The following GRIK2 variants were observed in gnomAD, a reference collection of about 807,000 sequenced individuals.
The protein encoded by GRIK2 is glutamate receptor ionotropic, kainate 2.
GRIK2 carries 32 observed loss-of-function variants against 100.3 expected under a neutral mutation model. The ratio of observed to expected loss-of-function variants is 0.32; its 90% confidence interval spans 0.24 to 0.43. The LOEUF is 0.43. GRIK2 is among the 20% of genes least tolerant of loss of function. The probability of loss-of-function intolerance (pLI) is 1.00; values close to 1 mark genes in which losing one functional copy is unlikely to be tolerated. For missense variants in GRIK2, 843 were observed against 1,114.9 expected (o/e 0.76, Z 3.47); for synonymous variants, 417 against 389.4 (o/e 1.07, Z -0.83).
At chr6:101,611,895 C>T (rs1026278007) in intron 2 of GRIK2, among the ~76,000 whole-genome samples, 11 of 151,782 alleles carry the variant, frequency 7.2e-5, no homozygotes, top group East Asian at 1.9e-4. Context: ...ACCAACTTCA[C>T]ACAAAATTAA....
chr6:101,788,504 C>T (rs1445947964), intron 7 of GRIK2, among the ~76,000 whole-genome samples: 2 of 152,070 alleles, frequency 1.3e-5, no homozygotes, highest in Non-Finnish European at 2.9e-5. Flanking sequence ...GTGATGATTT[C>T]CAATTTCATC....
intron 2 of GRIK2, among the ~76,000 whole-genome samples, chr6:101,552,620 G>T (rs1314407793): frequency 6.6e-6 from 1 of 152,168 alleles, no homozygotes; most frequent in Non-Finnish European, 1.5e-5. Context: ...ATATCAGTGT[G>T]TGCATTTAGC....
At chr6:101,548,112 T>A (rs1180797691) in intron 2 of GRIK2, among the ~76,000 whole-genome samples, 1 of 152,144 alleles carries the variant, frequency 6.6e-6, no homozygotes, top group Non-Finnish European at 1.5e-5. Context: ...GCTGCATAAA[T>A]GTCTTCTTTT....
At chr6:101,694,833 A>G (rs1350771959) in intron 7 of GRIK2, among the ~76,000 whole-genome samples, 2 of 151,840 alleles carry the variant, frequency 1.3e-5, no homozygotes, top group African/African-American at 2.4e-5. Context: ...AGTTTTATGA[A>G]TAATCTTTGG....
chr6:101,894,744 A>C (rs929557419), intron 12 of GRIK2, among the ~76,000 whole-genome samples: 11 of 151,766 alleles, frequency 7.2e-5, no homozygotes, highest in African/African-American at 2.7e-4. Flanking sequence ...GAAAATGTTT[A>C]TAAAATGACT....
chr6:101,939,571 G>C (rs1270931632), intron 14 of GRIK2, among the ~76,000 whole-genome samples: 1 of 151,984 alleles, frequency 6.6e-6, no homozygotes, highest in African/African-American at 2.4e-5. Flanking sequence ...AAATATTCTG[G>C]ATTACTCTCT....
intron 12 of GRIK2, among the ~76,000 whole-genome samples, chr6:101,907,400 A>T (rs1257741158): frequency 6.6e-6 from 1 of 151,596 alleles, no homozygotes; most frequent in Non-Finnish European, 1.5e-5. Context: ...AGAAAAAAAA[A>T]AGCTGAGCAT....
At chr6:101,555,416 A>G (rs571261891) in intron 2 of GRIK2, among the ~76,000 whole-genome samples, 58 of 152,296 alleles carry the variant, frequency 3.8e-4, no homozygotes, top group Admixed American at 1.2e-3. Flanking sequence ...CATCTGGCTC[A>G]GTAGTTCTTG....
chr6:101,462,192 A>G (rs888576700), intron 2 of GRIK2, among the ~76,000 whole-genome samples: 5 of 152,218 alleles, frequency 3.3e-5, no homozygotes. Flanking sequence ...ATATATGATT[A>G]TGGTAGAACT....
chr6:101,671,097 T>C (rs1223745924), intron 4 of GRIK2, among the ~76,000 whole-genome samples: 2 of 152,188 alleles, frequency 1.3e-5, no homozygotes, highest in Non-Finnish European at 2.9e-5. Context: ...TGTTATTTGA[T>C]TATTCTGCAT....
chr6:101,408,864 T>C (rs1036011054), intron 2 of GRIK2, among the ~76,000 whole-genome samples: 2 of 152,074 alleles, frequency 1.3e-5, no homozygotes, highest in African/African-American at 4.8e-5. Flanking sequence ...CATATAAAAT[T>C]AAACATCACC....
chr6:101,542,933 G>A (rs1776073434), intron 2 of GRIK2, among the ~76,000 whole-genome samples: 1 of 152,070 alleles, frequency 6.6e-6, no homozygotes, highest in South Asian at 2.1e-4. Flanking sequence ...GGGTAAGAAA[G>A]TACCCTAGAT....
At chr6:101,602,889 AT>A (rs773876529) in intron 2 of GRIK2, among the ~76,000 whole-genome samples, 7 of 151,826 alleles carry the variant, frequency 4.6e-5, no homozygotes, top group Non-Finnish European at 8.9e-5. Context: ...GATTTGCATC[AT>A]ATTAGTCATA....
chr6:101,725,284 G>A (rs2128367702), intron 7 of GRIK2, among the ~76,000 whole-genome samples: 1 of 152,106 alleles, frequency 6.6e-6, no homozygotes. Flanking sequence ...TTTAGTAATT[G>A]ATTGCGATAT....
Position 101,489,504 on chromosome 6 carries a change from A to G in GRIK2, c.115+90112A>G, listed in dbSNP as rs1213517782. 2.0e-5 allele frequency among the ~76,000 whole-genome samples: 3 copies of G among 146,358 alleles called. 1 individual carries two copies. Among genetic ancestry groups the G allele is most frequent in the Admixed American group, 2.0e-4 (3 of 14,680 alleles). ...TATGCTAGTATTTTGAAACACTTCC[A>G]TAGAAGCTGGATCCATGAAAGTATC... On this transcript the variant is annotated intron_variant, in intron 2 of 16. Coordinates refer to ENST00000369134, the MANE Select transcript of GRIK2 (RefSeq NM_021956.5).
At chr6:101,948,114 C>G (rs1582595246) in intron 14 of GRIK2, among the ~76,000 whole-genome samples, 1 of 151,860 alleles carries the variant, frequency 6.6e-6, no homozygotes. Flanking sequence ...TTCCTATTAC[C>G]TTTAAATTGA....
chr6:101,884,988 G>T (rs1361449), intron 11 of GRIK2, among the ~76,000 whole-genome samples: 4 of 151,914 alleles, frequency 2.6e-5, no homozygotes, highest in South Asian at 2.1e-4. Flanking sequence ...TAGATTTCCA[G>T]GGAGGGAAAC....
At chr6:102,045,464 C>G (rs1030195593) in intron 15 of GRIK2, among the ~76,000 whole-genome samples, 1 of 151,974 alleles carries the variant, frequency 6.6e-6, no homozygotes, top group African/African-American at 2.4e-5. Flanking sequence ...CCATTTTGTT[C>G]ATTTCTTCTA....
intron 7 of GRIK2, among the ~76,000 whole-genome samples, chr6:101,709,388 T>C (rs1413732565): frequency 6.6e-6 from 1 of 151,840 alleles, no homozygotes; most frequent in East Asian, 1.9e-4. Context: ...CTCTAACATT[T>C]TAGAGTGCTT....
Sources: allele counts gnomAD v4.1 joint callset (sites outside exome capture counted in the v4.1 genomes callset), GRCh38; gene constraint gnomAD v4.1.1; transcripts MANE v1.5; gene names NCBI Gene and HGNC (gene_info 2026-07-23, HGNC 2026-07-21).